The following TLR4 variants were observed in gnomAD, a reference collection of about 807,000 sequenced individuals.
The protein encoded by TLR4 is toll like receptor 4.
TLR4 carries 17 observed loss-of-function variants against 27.4 expected under a neutral mutation model. The observed-to-expected ratio is 0.62, with a 90% CI of 0.42 to 0.93. TLR4 has a LOEUF of 0.93. TLR4 is among the 40% of genes least tolerant of loss of function. The probability of loss-of-function intolerance (pLI) is 0.00; values close to 1 mark genes in which losing one functional copy is unlikely to be tolerated. For synonymous variants in TLR4, 363 were observed against 365.7 expected (o/e 0.99, Z 0.08); for missense variants, 926 against 962.3 (o/e 0.96, Z 0.50).
chr9:117,704,698 G>A lies in TLR4; in HGVS notation c.93+133G>A, dbSNP rs1588091209. 5 of 816,336 alleles carry A rather than the reference G, an allele frequency of 6.1e-6. No homozygotes were observed. In the East Asian group the frequency reaches 1.3e-4, roughly 22 times the overall value. 50.6% of individuals were successfully genotyped at this position (816,336 alleles called of 1,614,324 possible). On this transcript the variant is annotated intron_variant, in intron 1 of 2. Coordinates refer to ENST00000355622, the MANE Select transcript of TLR4 (RefSeq NM_138554.5). ...TACCTTAAAGACTCAAGAAGCCACA[G>A]AGATCAAATAATTCATTGTTACAGG...
In TLR4 at chr9:117,721,376, G is replaced by T. The variant is rs1296645852; in HGVS notation, c.*6728G>T. On this transcript the variant is annotated 3_prime_UTR_variant, in exon 3 of 3. Coordinates refer to ENST00000355622, the MANE Select transcript of TLR4 (RefSeq NM_138554.5). ...ATCCCAAGATCGGTTCCTTGATCTT[G>T]TGTCTCCAAATCACTTGCTCTCTCT... The T allele has an allele frequency of 6.6e-6, 1 of 152,344 alleles. No individual in the cohort carries two copies. Among genetic ancestry groups the T allele is most frequent in the Non-Finnish European group, 1.5e-5 (1 of 68,134 alleles). 9.4% of individuals were successfully genotyped at this position (152,344 alleles called of 1,614,324 possible). A position where few individuals can be genotyped will look rare whatever the true frequency, so the allele number is the denominator to read the frequency against.
chr9:117,723,632 T>C lies in TLR4; in HGVS notation c.*8984T>C, dbSNP rs1326857756. On this transcript the variant is annotated 3_prime_UTR_variant, in exon 3 of 3. Transcript: ENST00000355622. ...ACTCCTCCAAGGAGGAGTTTCTCTT[T>C]TGCCCCATGTTATAAACTCAAGAAT... 6.6e-6 allele frequency: 1 copy of C among 152,166 alleles called. No homozygotes were observed. Among genetic ancestry groups the C allele is most frequent in the Non-Finnish European group, 1.5e-5 (1 of 68,038 alleles). 9.4% of individuals were successfully genotyped at this position (152,166 alleles called of 1,614,324 possible). A position where few individuals can be genotyped will look rare whatever the true frequency, so the allele number is the denominator to read the frequency against.
Position 117,718,352 on chromosome 9 carries a change from G to A in TLR4, c.*3704G>A, listed in dbSNP as rs1829383116. The A allele has an allele frequency of 6.6e-6, 1 of 152,070 alleles. No homozygotes were observed. Among genetic ancestry groups the A allele is most frequent in the Non-Finnish European group, 1.5e-5 (1 of 68,000 alleles). 9.4% of individuals were successfully genotyped at this position (152,070 alleles called of 1,614,324 possible). On this transcript the variant is annotated 3_prime_UTR_variant, in exon 3 of 3. Coordinates refer to ENST00000355622, the MANE Select transcript of TLR4 (RefSeq NM_138554.5). ...CTCAGTTGAAGCCATGAATCATTAA[G>A]CCAATACATATGCATATATGTTATA...
At position 117,722,097 on chromosome 9, in the gene TLR4, C is replaced by T. The variant is rs1349405277; in HGVS notation, c.*7449C>T. On this transcript the variant is annotated 3_prime_UTR_variant, in exon 3 of 3. Transcript: ENST00000355622. ...ATATATACCAGAAAAATGTTGTGGT[C>T]TTTTCTAAACTCTCTGAGGCATCTG... 6.6e-6 allele frequency: 1 copy of T among 152,128 alleles called. No individual in the cohort carries two copies. Among genetic ancestry groups the T allele is most frequent in the Non-Finnish European group, 1.5e-5 (1 of 68,018 alleles). The allele number at this position is 152,128 out of a possible 1,614,324, so 9.4% of individuals were successfully genotyped here. A position where few individuals can be genotyped will look rare whatever the true frequency, so the allele number is the denominator to read the frequency against.
chr9:117,706,345 AT>A (rs895578514), intron 1 of TLR4, among the ~76,000 whole-genome samples: 2 of 151,092 alleles, frequency 1.3e-5, no homozygotes, highest in Non-Finnish European at 3.0e-5. Flanking sequence ...ACTGCTTAAT[AT>A]TTTTTTTTCT....
In TLR4 at chr9:117,718,266, T is replaced by G. The variant is rs1397425436; in HGVS notation, c.*3618T>G. The G allele has an allele frequency of 1.3e-5, 2 of 152,114 alleles. No individual in the cohort carries two copies. Among genetic ancestry groups the G allele is most frequent in the African/African-American group, 4.8e-5 (2 of 41,444 alleles). 9.4% of individuals were successfully genotyped at this position (152,114 alleles called of 1,614,324 possible). ...ACACCCAATTGCTTCATGCTTAAAGTTGGCAAAACAGGAAGTGAAACTCCT... is the reference window on the plus strand; with the variant it reads ...ACACCCAATTGCTTCATGCTTAAAGGTGGCAAAACAGGAAGTGAAACTCCT... On this transcript the variant is annotated 3_prime_UTR_variant, in exon 3 of 3. Transcript: ENST00000355622.
chr9:117,704,579 G>C lies in TLR4; in HGVS notation c.93+14G>C. 1 of 1,612,032 alleles carries C rather than the reference G, an allele frequency of 6.2e-7. No individual in the cohort carries two copies. The highest frequency in any genetic ancestry group is 8.5e-7 in the Non-Finnish European group (1 of 1,178,474). ...CCCTGCGTGGAGGTATGTGGCTGGA[G>C]TCAGCTCCTCTGAACTTTCCCTCAC... On this transcript the variant is annotated intron_variant, in intron 1 of 2. Transcript: ENST00000355622.
chr9:117,709,143 A>C (rs1829187823), intron 2 of TLR4, among the ~76,000 whole-genome samples: 1 of 152,180 alleles, frequency 6.6e-6, no homozygotes, highest in Admixed American at 6.6e-5. Context: ...AATACCTTAA[A>C]GTCCTGGGTA....
chr9:117,708,540 C>T lies in TLR4; in HGVS notation c.94-23C>T, dbSNP rs775987839. 1.2e-5 allele frequency: 20 copies of T among 1,613,372 alleles called. No homozygotes were observed. In the East Asian group the frequency reaches 4.5e-4, roughly 36 times the overall value. The stretch of plus-strand genomic sequence containing the variant: ...GGGAGACCATGCAGTAAAGATACTT[C>T]ATGTCATGTGTAATCATTGCAGGTG... On this transcript the variant is annotated intron_variant, in intron 1 of 2. Coordinates refer to ENST00000355622, the MANE Select transcript of TLR4 (RefSeq NM_138554.5).
chr9:117,714,179 A>T lies in TLR4; in HGVS notation c.2051A>T (p.Asp684Val). 1 of 1,613,866 alleles carries T rather than the reference A, an allele frequency of 6.2e-7. No individual in the cohort carries two copies. Residue 684 changes from aspartate (D) to valine (V), a missense_variant, in exon 3 of 3, where the codon GAT becomes GTT. Asp to Val is a radical substitution (Grantham distance 152). Transcript: ENST00000355622. ...GCCTTTGTTATCTACTCAAGCCAGG[A>T]TGAGGACTGGGTAAGGAATGAGCTA... ...YDAFVIYSSQDEDWVRNELVK... is the reference protein window; with the variant it reads ...YDAFVIYSSQVEDWVRNELVK...
intron 2 of TLR4, chr9:117,709,009 C>A (rs11536874): frequency 8.5e-5 from 33 of 388,280 alleles, no homozygotes; most frequent in Middle Eastern, 8.2e-4. Context: ...AGCTTAAATT[C>A]TTTCATAAGC....
In TLR4 at chr9:117,713,441, G is replaced by C. The variant is rs142298021; in HGVS notation, c.1313G>C (p.Ser438Thr). Residue 438 changes from serine to threonine, a missense_variant, in exon 3 of 3, where the codon AGT becomes ACT. By Grantham distance (58) the Ser-to-Thr change is moderately conservative. Coordinates refer to ENST00000355622, the MANE Select transcript of TLR4 (RefSeq NM_138554.5). ...DFQHSNLKQMSEFSVFLSLRN... is the reference protein window; with the variant it reads ...DFQHSNLKQMTEFSVFLSLRN... ...CAGCATTCCAATTTGAAACAAATGA[G>C]TGAGTTTTCAGTATTCCTATCACTC... 6.2e-7 allele frequency: 1 copy of C among 1,614,058 alleles called. No homozygotes were observed.
Position 117,713,503 on chromosome 9 carries a change from A to C in TLR4, c.1375A>C (p.Thr459Pro). 6.2e-7 allele frequency: 1 copy of C among 1,614,116 alleles called. No individual in the cohort carries two copies. Among genetic ancestry groups the C allele is most frequent in the South Asian group, 1.1e-5 (1 of 91,078 alleles). The change falls in exon 3 of 3, where the codon ACC becomes CCC. Residue 459 changes from threonine to proline, a missense_variant. Thr to Pro is a conservative substitution (Grantham distance 38). Transcript: ENST00000355622. ...TTACCTTGACATTTCTCATACTCAC[A>C]CCAGAGTTGCTTTCAATGGCATCTT... ...LIYLDISHTHTRVAFNGIFNG... is the reference protein window; with the variant it reads ...LIYLDISHTHPRVAFNGIFNG...
rs1829423721 is a variant in TLR4 at position 117,721,614 on chromosome 9, GTC to G, written c.*6968_*6969del. On this transcript the variant is annotated 3_prime_UTR_variant, in exon 3 of 3. Transcript: ENST00000355622. ...ATGACTTTCATTCTGCTATCTATGT[GTC>G]TGTGTATCTAGGTACTAATTATCTA... 6.6e-6 allele frequency: 1 copy of G among 152,138 alleles called. No homozygotes were observed. Among genetic ancestry groups the G allele is most frequent in the Non-Finnish European group, 1.5e-5 (1 of 68,028 alleles). The allele number at this position is 152,138 out of a possible 1,614,324, so 9.4% of individuals were successfully genotyped here.
At position 117,714,682 on chromosome 9, in the gene TLR4, T is replaced by C. The variant is rs200417484; in HGVS notation, c.*34T>C. Reference sequence around the variant, plus strand: ...AATAAAAACCTCCTGAGGCATTTCTTGCCCAGCTGGGTCCAACACTTGTTC... The same window carrying C: ...AATAAAAACCTCCTGAGGCATTTCTCGCCCAGCTGGGTCCAACACTTGTTC... On this transcript the variant is annotated 3_prime_UTR_variant, in exon 3 of 3. Transcript: ENST00000355622. 3.8e-6 allele frequency: 6 copies of C among 1,592,138 alleles called. No homozygotes were observed. Among genetic ancestry groups the C allele is most frequent in the Non-Finnish European group, 5.2e-6 (6 of 1,163,946 alleles).
rs1829333866 is a variant in TLR4, at chr9:117,715,690, A to G, written c.*1042A>G. On this transcript the variant is annotated 3_prime_UTR_variant, in exon 3 of 3. Coordinates refer to ENST00000355622, the MANE Select transcript of TLR4 (RefSeq NM_138554.5). ...AAGTTTATTTTTTTCAGAACAAGTG[A>G]TGTTTGATGGACCTCTGAATCTCTT... 1 of 152,070 alleles carries G rather than the reference A, an allele frequency of 6.6e-6. No individual in the cohort carries two copies. Among genetic ancestry groups the G allele is most frequent in the Admixed American group, 6.6e-5 (1 of 15,260 alleles). 9.4% of individuals were successfully genotyped at this position (152,070 alleles called of 1,614,324 possible).
In TLR4 at chr9:117,712,982, T is replaced by C. The variant is rs1318471554; in HGVS notation, c.854T>C (p.Ile285Thr). ...SALEGLCNLT[I>T]EEFRLAYLDY... is the part of the protein sequence containing the mutation. ...CTAGAGGGCCTGTGCAATTTGACCA[T>C]TGAAGAATTCCGATTAGCATACTTA... The change falls in exon 3 of 3, where the codon ATT (isoleucine) becomes ACT (threonine). Residue 285 changes from isoleucine (I) to threonine (T), a missense_variant. Coordinates refer to ENST00000355622, the MANE Select transcript of TLR4 (RefSeq NM_138554.5). The C allele has an allele frequency of 1.2e-6, 2 of 1,614,016 alleles. No individual in the cohort carries two copies. The highest frequency in any genetic ancestry group is 1.7e-6 in the Non-Finnish European group (2 of 1,180,002).
At chr9:117,712,102 T>G (rs969387402) in intron 2 of TLR4, among the ~76,000 whole-genome samples, 5 of 152,192 alleles carry the variant, frequency 3.3e-5, no homozygotes, top group African/African-American at 1.2e-4. Flanking sequence ...ATGTCAATTA[T>G]TGATCTTTAA....
Position 117,714,450 on chromosome 9 carries a change from G to A in TLR4, c.2322G>A (p.Val774=). The change falls in exon 3 of 3, where the codon GTG becomes GTA. Residue 774 remains valine, a synonymous_variant. Coordinates refer to ENST00000355622, the MANE Select transcript of TLR4 (RefSeq NM_138554.5). ...TCATCTTCATTGTCCTGCAGAAGGT[G>A]GAGAAGACCCTGCTCAGGCAGCAGG... ...AGIIFIVLQK[V]EKTLLRQQVE... 6.2e-7 allele frequency: 1 copy of A among 1,613,906 alleles called. No homozygotes were observed. The highest frequency in any genetic ancestry group is 8.5e-7 in the Non-Finnish European group (1 of 1,179,996).
Sources: allele counts gnomAD v4.1 joint callset (sites outside exome capture counted in the v4.1 genomes callset), GRCh38; gene constraint gnomAD v4.1.1; transcripts MANE v1.5; gene names NCBI Gene and HGNC (gene_info 2026-07-23, HGNC 2026-07-21).